The following CFAP161 variants were observed in gnomAD, a reference collection of about 807,000 sequenced individuals.
CFAP161 encodes the protein cilia and flagella associated protein 161.
Under a neutral mutation model 29.0 loss-of-function variants are expected in CFAP161, and 25 were observed. That is an observed-to-expected ratio of 0.86 (90% CI 0.63 to 1.20). The LOEUF (loss-of-function observed/expected upper bound fraction) is 1.20, where lower values mean the gene tolerates loss of function less well. Among genes scored for constraint, CFAP161 ranks in the 50% most tolerant of loss-of-function variants. CFAP161 has a pLI of 0.00. For missense variants in CFAP161, 367 were observed against 371.9 expected (o/e 0.99, Z 0.11); for synonymous variants, 116 against 137.4 (o/e 0.84, Z 1.09).
intron 1 of CFAP161, among the ~76,000 whole-genome samples, chr15:81,111,315 A>G (rs1373857406): frequency 6.6e-6 from 1 of 152,242 alleles, no homozygotes; most frequent in Non-Finnish European, 1.5e-5. Context: ...TTGAATGAAC[A>G]ATTGAAAGGA....
chr15:81,147,846 T>C lies in CFAP161; in HGVS notation c.637-12T>C, dbSNP rs749756049. On this transcript the variant is annotated splice_polypyrimidine_tract_variant and intron_variant, in intron 5 of 6. Transcript: ENST00000286732. ...TTAGAATGCTAATAACACATTTTCTTTATCTGTTAAGGCAAATGCTAAAAT... is the reference window on the plus strand; with the variant it reads ...TTAGAATGCTAATAACACATTTTCTCTATCTGTTAAGGCAAATGCTAAAAT... 3.8e-6 allele frequency: 6 copies of C among 1,582,644 alleles called. No individual in the cohort carries two copies. The highest frequency in any genetic ancestry group is 4.3e-6 in the Non-Finnish European group (5 of 1,167,768).
chr15:81,144,515 G>C (rs1894973059), intron 5 of CFAP161, among the ~76,000 whole-genome samples: 1 of 152,144 alleles, frequency 6.6e-6, no homozygotes, highest in Non-Finnish European at 1.5e-5. Context: ...AGAATCTTTT[G>C]TACCCAGGAG....
At chr15:81,117,994 C>T (rs1187193731) in intron 1 of CFAP161, 1 of 484,060 alleles carries the variant, frequency 2.1e-6, no homozygotes, top group Non-Finnish European at 3.8e-6. Flanking sequence ...CTTGAAGACA[C>T]TCTCTTGGTA....
intron 5 of CFAP161, among the ~76,000 whole-genome samples, chr15:81,145,140 C>T (rs1460306963): frequency 1.1e-4 from 16 of 152,196 alleles, no homozygotes; most frequent in Admixed American, 9.8e-4. Flanking sequence ...AGGAAGTGGC[C>T]GCAGTTGCAG....
chr15:81,138,336 A>G (rs2141880525), intron 4 of CFAP161, among the ~76,000 whole-genome samples: 1 of 152,348 alleles, frequency 6.6e-6, no homozygotes, highest in South Asian at 2.1e-4. Context: ...AATTACAAAA[A>G]CTACACCCTT....
intron 1 of CFAP161, among the ~76,000 whole-genome samples, chr15:81,121,246 TA>T (rs551452480): frequency 5.6e-4 from 86 of 152,324 alleles, no homozygotes; most frequent in Non-Finnish European, 9.9e-4. Context: ...TATTTTACTT[TA>T]GGACAAAATT....
At chr15:81,126,858 A>G (rs1478991495) in intron 1 of CFAP161, among the ~76,000 whole-genome samples, 1 of 152,228 alleles carries the variant, frequency 6.6e-6, no homozygotes, top group Admixed American at 6.5e-5. Flanking sequence ...TCTTTGCTTG[A>G]ATGCCATAAG....
At chr15:81,125,336 C>T (rs1221860354) in intron 1 of CFAP161, among the ~76,000 whole-genome samples, 3 of 152,026 alleles carry the variant, frequency 2.0e-5, no homozygotes, top group Non-Finnish European at 4.4e-5. Flanking sequence ...AAATATTCAG[C>T]AAAATGTATC....
At chr15:81,123,675 A>G (rs907417634) in intron 1 of CFAP161, among the ~76,000 whole-genome samples, 3 of 152,298 alleles carry the variant, frequency 2.0e-5, no homozygotes, top group Admixed American at 2.0e-4. Context: ...CCATGAGCAT[A>G]GAATGTTTTT....
At position 81,148,741 on chromosome 15, in the gene CFAP161, G is replaced by T; in HGVS notation, c.*208G>T. On this transcript the variant is annotated 3_prime_UTR_variant, in exon 7 of 7. Transcript: ENST00000286732. The stretch of plus-strand genomic sequence containing the variant: ...GAAAAACAGCTCTGGAGAATAATTA[G>T]TATTTGAAAGTGACAAACAATAGCC... The T allele has an allele frequency of 2.3e-6, 1 of 439,142 alleles. No homozygotes were observed. The allele number at this position is 439,142 out of a possible 1,614,324, so 27.2% of individuals were successfully genotyped here. A position where few individuals can be genotyped will look rare whatever the true frequency, so the allele number is the denominator to read the frequency against.
chr15:81,113,084 TC>T (rs1452487894), intron 1 of CFAP161, among the ~76,000 whole-genome samples: 4 of 152,206 alleles, frequency 2.6e-5, no homozygotes, highest in African/African-American at 9.6e-5. Flanking sequence ...ATTTAAAAAA[TC>T]CCTTGCATAT....
In CFAP161 at chr15:81,118,806, A is replaced by C. The variant is rs143759959; in HGVS notation, c.-141-8784A>C. Among the ~76,000 whole-genome samples, 469 of 152,370 alleles carry C rather than the reference A, an allele frequency of 3.1e-3. 1 individual carries two copies. Among genetic ancestry groups the C allele is most frequent in the African/African-American group, 0.011 (444 of 41,596 alleles). On this transcript the variant is annotated intron_variant, in intron 1 of 4. Transcript: ENST00000560091. The stretch of plus-strand genomic sequence containing the variant: ...ACTTATATAAATAAAAATACTCACG[A>C]ATAGTTTCTGAATTTTGGAAGAATC...
Position 81,137,959 on chromosome 15 carries a change from A to G in CFAP161, c.393-92A>G, listed in dbSNP as rs555369718. 4.4e-6 allele frequency: 4 copies of G among 915,564 alleles called. No homozygotes were observed. The East Asian group carries it at 7.6e-5, about 17-fold the overall frequency. 56.7% of individuals were successfully genotyped at this position (915,564 alleles called of 1,614,324 possible). On this transcript the variant is annotated intron_variant, in intron 3 of 6. Coordinates refer to ENST00000286732, the MANE Select transcript of CFAP161 (RefSeq NM_173528.4). ...AATATAAATTATCAAAAAACTGATT[A>G]TAAACAAAATTGCATGCATAAAAAA...
In CFAP161 at chr15:81,134,285, C is replaced by A. The variant is rs1259770054; in HGVS notation, c.-45C>A. 7.1e-6 allele frequency: 11 copies of A among 1,558,138 alleles called. No individual in the cohort carries two copies. The highest frequency in any genetic ancestry group is 3.4e-4 in the Middle Eastern group (2 of 5,918). ...TCGTCATGGCGACGCGCCACGCTAACGCATGGTGTCGGAGGGAGGCCCACT... is the reference window on the plus strand; with the variant it reads ...TCGTCATGGCGACGCGCCACGCTAAAGCATGGTGTCGGAGGGAGGCCCACT... On this transcript the variant is annotated 5_prime_UTR_variant, in exon 1 of 7. Coordinates refer to ENST00000286732, the MANE Select transcript of CFAP161 (RefSeq NM_173528.4).
chr15:81,116,413 T>C (rs879563876), intron 1 of CFAP161, among the ~76,000 whole-genome samples: 122 of 152,264 alleles, frequency 8.0e-4, no homozygotes, highest in African/African-American at 2.7e-3. Context: ...CCTGCCTCAG[T>C]CTCCCAAGTA....
At chr15:81,126,255 C>A (rs1894640404) in intron 1 of CFAP161, among the ~76,000 whole-genome samples, 1 of 152,108 alleles carries the variant, frequency 6.6e-6, no homozygotes, top group South Asian at 2.1e-4. Context: ...CTTTATTTGC[C>A]CTGATAGGTA....
intron 1 of CFAP161, among the ~76,000 whole-genome samples, chr15:81,122,039 C>T (rs1894580546): frequency 1.3e-5 from 2 of 152,372 alleles, no homozygotes; most frequent in African/African-American, 2.4e-5. Context: ...CTGCAGAGGA[C>T]ATGATCTCAT....
chr15:81,137,720 A>G (rs539712495), intron 3 of CFAP161, among the ~76,000 whole-genome samples: 2 of 152,220 alleles, frequency 1.3e-5, no homozygotes, highest in Non-Finnish European at 2.9e-5. Flanking sequence ...CAAATGTGTT[A>G]CCTTGGTTCT....
chr15:81,148,441 A>G lies in CFAP161; in HGVS notation c.814A>G (p.Arg272Gly), dbSNP rs776312239. 2 of 1,614,236 alleles carry G rather than the reference A, an allele frequency of 1.2e-6. No individual in the cohort carries two copies. The highest frequency in any genetic ancestry group is 1.7e-6 in the Non-Finnish European group (2 of 1,180,040). The stretch of plus-strand genomic sequence containing the variant: ...CTGGATGTTGGTTACTGGGAATCCC[A>G]GGGATGCCTCGTCCTCCATGTTGGA... ...NHWMLVTGNP[R>G]DASSSMLDLP... Residue 272 changes from arginine (R) to glycine (G), a missense_variant, in exon 7 of 7, where the codon AGG (arginine) becomes GGG (glycine). By Grantham distance (125) the Arg-to-Gly change is moderately radical. Transcript: ENST00000286732.
Sources: gnomAD v4.1 joint callset for allele counts (sites outside exome capture counted in the v4.1 genomes callset) on GRCh38, gnomAD v4.1.1 for gene constraint, MANE v1.5 for transcripts, NCBI Gene and HGNC (gene_info 2026-07-23, HGNC 2026-07-21) for gene names.